Variants in CSNK2A2IP observed in about 807,000 individuals in gnomAD.
CSNK2A2IP encodes the protein casein kinase II subunit alpha'-interacting protein.
the CSNK2A2IP span, among the ~76,000 whole-genome samples, chr3:88,373,356 C>T: frequency 6.6e-6 from 1 of 150,774 alleles, no homozygotes; most frequent in African/African-American, 2.4e-5. Context: ...GTTTGAAAGT[C>T]AACTAATAAA....
the CSNK2A2IP span, among the ~76,000 whole-genome samples, chr3:88,394,743 C>A: frequency 1.3e-5 from 2 of 152,112 alleles, no homozygotes; most frequent in Non-Finnish European, 2.9e-5. Context: ...TATATATTTG[C>A]CTTTCGTGAA....
chr3:88,360,595 G>A, the CSNK2A2IP span, among the ~76,000 whole-genome samples: 16 of 151,976 alleles, frequency 1.1e-4, no homozygotes, highest in South Asian at 2.1e-4. Flanking sequence ...GCATGTAGTC[G>A]GATCTTGTTT....
the CSNK2A2IP span, among the ~76,000 whole-genome samples, chr3:88,345,775 A>AG: frequency 4.1e-4 from 48 of 118,154 alleles, no homozygotes; most frequent in African/African-American, 1.2e-3. Context: ...TGTTGAAATA[A>AG]GTCATTTAAT....
the CSNK2A2IP span, chr3:88,465,310 A>G: frequency 1.7e-6 from 2 of 1,145,134 alleles, no homozygotes; most frequent in African/African-American, 3.2e-5. Context: ...TTACTAAATC[A>G]TCCCCACAAG....
chr3:88,399,228 G>T, the CSNK2A2IP span, among the ~76,000 whole-genome samples: 1 of 152,038 alleles, frequency 6.6e-6, no homozygotes, highest in Non-Finnish European at 1.5e-5. Context: ...TATTACGAAA[G>T]ATTTTATTAT....
the CSNK2A2IP span, among the ~76,000 whole-genome samples, chr3:88,405,549 C>G: frequency 1.3e-5 from 2 of 152,040 alleles, no homozygotes; most frequent in Admixed American, 1.3e-4. Context: ...TTTCAGAAAC[C>G]CTATTATCTT....
chr3:88,422,574 C>T, the CSNK2A2IP span, among the ~76,000 whole-genome samples: 3 of 152,166 alleles, frequency 2.0e-5, no homozygotes, highest in African/African-American at 2.4e-5. Flanking sequence ...ATATAGTTTA[C>T]TACAAAAATG....
chr3:88,448,966 G>A, the CSNK2A2IP span, among the ~76,000 whole-genome samples: 3 of 152,056 alleles, frequency 2.0e-5, no homozygotes, highest in East Asian at 1.9e-4. Flanking sequence ...GGTAGGTAGC[G>A]TTTAATCATT....
chr3:88,450,171 A>G, the CSNK2A2IP span, among the ~76,000 whole-genome samples: 1 of 152,088 alleles, frequency 6.6e-6, no homozygotes, highest in East Asian at 1.9e-4. Flanking sequence ...ACCCAGCCTA[A>G]TATTTTTTAT....
the CSNK2A2IP span, chr3:88,466,759 C>T: frequency 1.1e-5 from 9 of 849,210 alleles, no homozygotes; most frequent in South Asian, 6.0e-5. Flanking sequence ...TCCTGGTCCT[C>T]GCTTGTCATC....
chr3:88,392,284 C>CAGAATTCAGGAG, the CSNK2A2IP span, among the ~76,000 whole-genome samples: 1 of 152,108 alleles, frequency 6.6e-6, no homozygotes, highest in Non-Finnish European at 1.5e-5. Context: ...ATATGTGGTT[C>CAGAATTCAGGAG]AGAATTCAGG....
chr3:88,379,578 C>T, the CSNK2A2IP span, among the ~76,000 whole-genome samples: 30 of 152,166 alleles, frequency 2.0e-4, no homozygotes, highest in East Asian at 5.6e-3. Context: ...GAGTCTTCTT[C>T]AACTCCACCC....
At chr3:88,410,897 A>G in the CSNK2A2IP span, among the ~76,000 whole-genome samples, 8 of 152,138 alleles carry the variant, frequency 5.3e-5, no homozygotes, top group South Asian at 6.2e-4. Context: ...ACAAACACCA[A>G]TTGAATACAA....
At chr3:88,394,289 A>T in the CSNK2A2IP span, among the ~76,000 whole-genome samples, 1 of 152,244 alleles carries the variant, frequency 6.6e-6, no homozygotes, top group South Asian at 2.1e-4. Flanking sequence ...GTTTAATTTT[A>T]TCCATATCAT....
At chr3:88,461,941 A>T in the CSNK2A2IP span, among the ~76,000 whole-genome samples, 1 of 151,648 alleles carries the variant, frequency 6.6e-6, no homozygotes, top group South Asian at 2.1e-4. Context: ...ATTTTGCCAC[A>T]TTGCCCAGGC....
At chr3:88,352,257 A>T in the CSNK2A2IP span, among the ~76,000 whole-genome samples, 1 of 152,172 alleles carries the variant, frequency 6.6e-6, no homozygotes. Flanking sequence ...ACATGCAGAC[A>T]TAAAACTCAC....
At chr3:88,419,914 T>G in the CSNK2A2IP span, among the ~76,000 whole-genome samples, 1 of 152,192 alleles carries the variant, frequency 6.6e-6, no homozygotes, top group South Asian at 2.1e-4. Flanking sequence ...AGGATATTCT[T>G]AGATCCAGAA....
the CSNK2A2IP span, among the ~76,000 whole-genome samples, chr3:88,359,777 G>T: frequency 4.6e-5 from 7 of 152,030 alleles, no homozygotes; most frequent in Non-Finnish European, 7.4e-5. Flanking sequence ...GTTTTTTGTG[G>T]CCTATCTTAA....
chr3:88,402,404 G>A, the CSNK2A2IP span, among the ~76,000 whole-genome samples: 1 of 151,994 alleles, frequency 6.6e-6, no homozygotes, highest in Admixed American at 6.6e-5. Context: ...CTGATTCTAA[G>A]TGCTTCAGGA....
Sources: allele counts gnomAD v4.1 joint callset (sites outside exome capture counted in the v4.1 genomes callset), GRCh38; gene constraint gnomAD v4.1.1; transcripts MANE v1.5; gene names NCBI Gene and HGNC (gene_info 2026-07-23, HGNC 2026-07-21).